The following ARHGEF12 variants were observed in gnomAD, a reference collection of about 807,000 sequenced individuals.
The protein encoded by ARHGEF12 is Rho guanine nucleotide exchange factor 12, also known as KMT2A/ARHGEF12 fusion protein.
Under a neutral mutation model 211.2 loss-of-function variants are expected in ARHGEF12, and 66 were observed. The observed-to-expected ratio is 0.31, with a 90% CI of 0.26 to 0.38. ARHGEF12 has a LOEUF of 0.38. Ranked by LOEUF, ARHGEF12 falls within the 10% of genes least tolerant of loss-of-function variation. ARHGEF12 has a pLI of 1.00. For synonymous variants in ARHGEF12, 592 were observed against 638.4 expected, an observed-to-expected ratio of 0.93 and a Z score of 1.09; for missense variants, 1,429 against 1,869.5, an observed-to-expected ratio of 0.76 and a Z score of 4.34.
At position 120,429,846 on chromosome 11, in the gene ARHGEF12, A is replaced by G; in HGVS notation, c.783+15A>G. 6.3e-7 allele frequency: 1 copy of G among 1,598,054 alleles called. No homozygotes were observed. Among genetic ancestry groups the G allele is most frequent in the Non-Finnish European group, 8.5e-7 (1 of 1,174,618 alleles). ...GCTCTGCTCAGGTAGCATCACTATT[A>G]CAAGTGCTACCCAACTTTTTGCAGG... On this transcript the variant is annotated intron_variant, in intron 10 of 40. Transcript: ENST00000397843.
intron 1 of ARHGEF12, among the ~76,000 whole-genome samples, chr11:120,394,623 C>T (rs1944317784): frequency 6.6e-6 from 1 of 151,582 alleles, no homozygotes; most frequent in Non-Finnish European, 1.5e-5. Context: ...GAACATTAAC[C>T]CCAAATCTGG....
At chr11:120,483,489 T>C (rs1947314390) in intron 39 of ARHGEF12, among the ~76,000 whole-genome samples, 2 of 151,702 alleles carry the variant, frequency 1.3e-5, no homozygotes, top group Admixed American at 1.3e-4. Context: ...AATGGTGCAA[T>C]CTCGGCTCAC....
chr11:120,426,011 T>A (rs1945335548), intron 7 of ARHGEF12, among the ~76,000 whole-genome samples: 1 of 152,182 alleles, frequency 6.6e-6, no homozygotes, highest in African/African-American at 2.4e-5. Flanking sequence ...TTTTTACTGC[T>A]ATGTTAAGCA....
intron 1 of ARHGEF12, among the ~76,000 whole-genome samples, chr11:120,368,513 G>A (rs1943495044): frequency 1.3e-5 from 2 of 152,110 alleles, no homozygotes; most frequent in South Asian, 4.1e-4. Context: ...ATCAGGCTGT[G>A]TACTTAACCT....
chr11:120,396,392 G>T (rs951956862), intron 1 of ARHGEF12, among the ~76,000 whole-genome samples: 1 of 152,076 alleles, frequency 6.6e-6, no homozygotes, highest in African/African-American at 2.4e-5. Flanking sequence ...AAAAAATATG[G>T]CAAGGGAAAA....
intron 28 of ARHGEF12, 22 bp from the exon 29 acceptor site, chr11:120,467,172 A>G (rs776033731): frequency 6.9e-7 from 1 of 1,448,484 alleles, no homozygotes; most frequent in Middle Eastern, 1.7e-4. Context: ...TTACAGATTC[A>G]CTTATTTCAC....
chr11:120,364,083 A>G (rs1858635715), intron 1 of ARHGEF12, among the ~76,000 whole-genome samples: 1 of 152,140 alleles, frequency 6.6e-6, no homozygotes, highest in Non-Finnish European at 1.5e-5. Context: ...AGCTGGAACT[A>G]CAGGCTCGAG....
At chr11:120,401,256 G>T (rs1382919236) in intron 1 of ARHGEF12, among the ~76,000 whole-genome samples, 2 of 152,144 alleles carry the variant, frequency 1.3e-5, no homozygotes, top group East Asian at 3.9e-4. Flanking sequence ...TGTTTATTTT[G>T]TTGTAGTTGC....
chr11:120,471,547 G>A (rs1179179920), intron 30 of ARHGEF12, among the ~76,000 whole-genome samples: 3 of 152,176 alleles, frequency 2.0e-5, no homozygotes, highest in Non-Finnish European at 4.4e-5. Context: ...TTACACAAAT[G>A]TGTAAGCACT....
chr11:120,477,553 A>G (rs1947084307), intron 36 of ARHGEF12, 27 bp downstream of exon 36: 3 of 1,590,812 alleles, frequency 1.9e-6, no homozygotes, highest in Admixed American at 1.7e-5. Context: ...AGTTCAATGG[A>G]GAATGTGCTC....
At position 120,367,747 on chromosome 11, in the gene ARHGEF12, G is replaced by A. The variant is rs138812117; in HGVS notation, c.32+30472G>A. On this transcript the variant is annotated intron_variant, in intron 1 of 40. Coordinates refer to ENST00000397843, the MANE Select transcript of ARHGEF12 (RefSeq NM_015313.3). ...ACACTTTGGGAGGCTGAGGCAGGAGGATTGCTTAAGGTCAGGTGTTTGAGA... is the reference window on the plus strand; with the variant it reads ...ACACTTTGGGAGGCTGAGGCAGGAGAATTGCTTAAGGTCAGGTGTTTGAGA... Among the ~76,000 whole-genome samples the A allele has an allele frequency of 3.8e-3, 581 of 152,288 alleles. 2 individuals are homozygous for A. The highest frequency in any genetic ancestry group is 6.8e-3 in the Middle Eastern group (2 of 292).
chr11:120,488,013 CT>C lies in ARHGEF12; in HGVS notation c.*2942del. On this transcript the variant is annotated 3_prime_UTR_variant, in exon 41 of 41. Transcript: ENST00000397843. ...TATATTTTATGAGCTTTTTGGCTTTCTTTTTTCCCACAGCAACTGCCAATGA... is the reference window on the plus strand; with the variant it reads ...TATATTTTATGAGCTTTTTGGCTTTCTTTTTCCCACAGCAACTGCCAATGA... 1 of 222,340 alleles carries C rather than the reference CT, an allele frequency of 4.5e-6. No homozygotes were observed. Among genetic ancestry groups the C allele is most frequent in the Admixed American group, 5.7e-5 (1 of 17,420 alleles). The allele number at this position is 222,340 out of a possible 1,614,324, so 13.8% of individuals were successfully genotyped here.
At chr11:120,355,126 T>A (rs975444231) in intron 1 of ARHGEF12, among the ~76,000 whole-genome samples, 1 of 152,182 alleles carries the variant, frequency 6.6e-6, no homozygotes, top group Admixed American at 6.5e-5. Flanking sequence ...TTGATGAAGT[T>A]AAAAAGTCAG....
intron 4 of ARHGEF12, among the ~76,000 whole-genome samples, chr11:120,419,829 C>T (rs1055804912): frequency 6.6e-6 from 1 of 151,866 alleles, no homozygotes; most frequent in African/African-American, 2.4e-5. Flanking sequence ...GTTGTTTTAC[C>T]TGTTTTATAT....
chr11:120,339,621 T>C (rs1942468947), intron 1 of ARHGEF12, among the ~76,000 whole-genome samples: 1 of 152,316 alleles, frequency 6.6e-6, no homozygotes, highest in East Asian at 1.9e-4. Context: ...GCTGTGTGAG[T>C]TAGAGTTCTT....
intron 12 of ARHGEF12, chr11:120,439,500 C>G (rs1033580225): frequency 6.6e-6 from 1 of 152,296 alleles, no homozygotes; most frequent in African/African-American, 2.4e-5. Flanking sequence ...CAAGAACTCT[C>G]TGGCGCAAAA....
chr11:120,368,747 C>G (rs7104639), intron 1 of ARHGEF12, among the ~76,000 whole-genome samples: 63,530 of 151,694 alleles, frequency 0.42, 13,553 homozygotes, highest in African/African-American at 0.48. Context: ...AATTTTTTAA[C>G]TTTTAGGTTC....
chr11:120,437,221 A>T (rs1945719452), intron 11 of ARHGEF12, 87 bp from the exon 12 acceptor site: 3 of 858,768 alleles, frequency 3.5e-6, no homozygotes, highest in Non-Finnish European at 5.3e-6. Flanking sequence ...TATGAAATTC[A>T]GAACAATTTT....
rs1347823430 is a variant in ARHGEF12, at chr11:120,336,650, G to A, written c.-594G>A. Among the ~76,000 whole-genome samples, 1 of 152,078 alleles carries A rather than the reference G, an allele frequency of 6.6e-6. No individual in the cohort carries two copies. The highest frequency in any genetic ancestry group is 1.5e-5 in the Non-Finnish European group (1 of 67,978). ...CCGCGGGACCTCTCCGCCGGCGCCAGCGGCTCGTCCCAGCACCGGGAGCCT... is the reference window on the plus strand; with the variant it reads ...CCGCGGGACCTCTCCGCCGGCGCCAACGGCTCGTCCCAGCACCGGGAGCCT... On this transcript the variant is annotated 5_prime_UTR_variant, in exon 1 of 41. Transcript: ENST00000397843.
Sources: gnomAD v4.1 joint callset for allele counts (sites outside exome capture counted in the v4.1 genomes callset) on GRCh38, gnomAD v4.1.1 for gene constraint, MANE v1.5 for transcripts, NCBI Gene and HGNC (gene_info 2026-07-23, HGNC 2026-07-21) for gene names.